GLIS3: variants seen among roughly 807,000 people sequenced by gnomAD.
GLIS3 encodes the protein zinc finger protein GLIS3.
Under a neutral mutation model 78.6 loss-of-function variants are expected in GLIS3, and 53 were observed. That is an observed-to-expected ratio of 0.67 (90% CI 0.54 to 0.85). GLIS3 has a LOEUF of 0.85. Ranked by LOEUF, GLIS3 falls within the 40% of genes least tolerant of loss-of-function variation. The probability of loss-of-function intolerance (pLI) is 0.00; values close to 1 mark genes in which losing one functional copy is unlikely to be tolerated. For synonymous variants in GLIS3, 684 were observed against 509.9 expected, an observed-to-expected ratio of 1.34 and a Z score of -4.60; for missense variants, 1,703 against 1,231.1, an observed-to-expected ratio of 1.38 and a Z score of -5.74.
the GLIS3 span, among the ~76,000 whole-genome samples, chr9:4,426,974 G>T: frequency 6.6e-6 from 1 of 152,326 alleles, no homozygotes; most frequent in East Asian, 1.9e-4. Context: ...AGTGGATGAG[G>T]ACAGAGAGTA....
chr9:3,881,328 G>A (rs921129721), intron 7 of GLIS3, among the ~76,000 whole-genome samples: 19 of 151,618 alleles, frequency 1.3e-4, no homozygotes, highest in Non-Finnish European at 2.8e-4. Flanking sequence ...TTATTTTGTT[G>A]TAGTTGCTGA....
rs901923509 is a variant in GLIS3, at chr9:4,118,594, G to A, written c.884C>T (p.Ser295Leu). 16 of 1,614,122 alleles carry A rather than the reference G, an allele frequency of 9.9e-6. No homozygotes were observed. The highest frequency in any genetic ancestry group is 2.2e-5 in the South Asian group (2 of 91,090). ...SPRHSSTRSH[S>L]ARSKKRALSL... ...CAGCGCTCTCTTCTTGGAGCGGGCC[G>A]AGTGGGACCTGGTGGATGAGTGCCG... is the stretch of plus-strand genomic sequence containing the variant. The change falls in exon 4 of 11, where the codon TCG (serine) becomes TTG (leucine). Residue 295 changes from serine to leucine, a missense_variant. Coordinates refer to ENST00000381971, the MANE Select transcript of GLIS3 (RefSeq NM_001042413.2). This position sits in a 1 kb window ranked among gnomAD's most constrained non-coding sequence, Gnocchi z 4.7.
At chr9:4,290,618 T>G (rs913144287) in intron 1 of GLIS3, among the ~76,000 whole-genome samples, 19 of 152,138 alleles carry the variant, frequency 1.2e-4, no homozygotes, top group Admixed American at 1.2e-3. Flanking sequence ...CAAGGACAGA[T>G]AGAGCTGAAT....
intron 8 of GLIS3, among the ~76,000 whole-genome samples, chr9:3,859,977 T>C (rs936764180): frequency 2.6e-5 from 4 of 151,968 alleles, no homozygotes; most frequent in Non-Finnish European, 5.9e-5. Context: ...TAAAACCTCA[T>C]AAAAAATCCT....
intron 4 of GLIS3, among the ~76,000 whole-genome samples, chr9:4,057,296 G>A (rs924314442): frequency 7.9e-5 from 12 of 151,886 alleles, no homozygotes; most frequent in African/African-American, 2.9e-4. Context: ...CTGAACAAGG[G>A]GCCCCACATT....
chr9:4,400,396 G>C, the GLIS3 span, among the ~76,000 whole-genome samples: 1 of 152,172 alleles, frequency 6.6e-6, no homozygotes, highest in Non-Finnish European at 1.5e-5. Flanking sequence ...CAAAATCAAA[G>C]CTGTTGGAAC....
chr9:4,100,990 G>A (rs1174626667), intron 4 of GLIS3, among the ~76,000 whole-genome samples: 1 of 152,160 alleles, frequency 6.6e-6, no homozygotes, highest in Admixed American at 6.5e-5. Flanking sequence ...GAAGGAACTG[G>A]GCTGGGGGCC....
intron 4 of GLIS3, among the ~76,000 whole-genome samples, chr9:4,107,131 C>T (rs992125884): frequency 6.6e-6 from 1 of 152,234 alleles, no homozygotes; most frequent in African/African-American, 2.4e-5. Context: ...GAGACCAGGT[C>T]GCCACTCATG....
chr9:4,188,853 T>C lies in GLIS3; in HGVS notation c.389-62912A>G, dbSNP rs200795929. Among the ~76,000 whole-genome samples, 8 of 152,306 alleles carry C rather than the reference T, an allele frequency of 5.3e-5. No individual in the cohort carries two copies. The East Asian group carries it at 1.3e-3, about 26-fold the overall frequency. On this transcript the variant is annotated intron_variant, in intron 2 of 10. Transcript: ENST00000381971. ...GGATCGGTGGTGATATCTCCTTTATTATTTTTTATTGCATCTATTTCACTC... is the reference window on the plus strand; with the variant it reads ...GGATCGGTGGTGATATCTCCTTTATCATTTTTTATTGCATCTATTTCACTC...
chr9:4,271,761 G>T (rs1266686397), intron 2 of GLIS3, among the ~76,000 whole-genome samples: 2 of 152,110 alleles, frequency 1.3e-5, no homozygotes, highest in Non-Finnish European at 2.9e-5. Flanking sequence ...AGAAAGCACT[G>T]ATCTCCTGCT....
intron 4 of GLIS3, among the ~76,000 whole-genome samples, chr9:3,964,952 T>G (rs970106993): frequency 2.0e-5 from 3 of 152,124 alleles, no homozygotes; most frequent in African/African-American, 7.2e-5. Context: ...TGAAGTCAGA[T>G]ACAAATAACT....
chr9:3,982,251 A>G (rs1421113455), intron 4 of GLIS3, among the ~76,000 whole-genome samples: 2 of 152,030 alleles, frequency 1.3e-5, no homozygotes, highest in Non-Finnish European at 2.9e-5. Flanking sequence ...AACTTTAAAA[A>G]GAGATCATCT....
At chr9:4,260,915 G>C (rs1219847622) in intron 2 of GLIS3, among the ~76,000 whole-genome samples, 1 of 152,300 alleles carries the variant, frequency 6.6e-6, no homozygotes, top group East Asian at 1.9e-4. Context: ...TGTAGCTACT[G>C]AGCAACAGAA....
intron 2 of GLIS3, among the ~76,000 whole-genome samples, chr9:4,237,038 C>T (rs1822826367): frequency 6.6e-6 from 1 of 151,890 alleles, no homozygotes; most frequent in African/African-American, 2.4e-5. Context: ...TCTTACTCTG[C>T]CATGTGGAAA....
At chr9:4,411,613 G>C in the GLIS3 span, among the ~76,000 whole-genome samples, 2 of 152,180 alleles carry the variant, frequency 1.3e-5, no homozygotes, top group Admixed American at 6.5e-5. Flanking sequence ...TCTTCCATTT[G>C]ACCTAATTTT....
Position 4,340,642 on chromosome 9 carries a change from T to C in GLIS3, n.264+6439A>G, listed in dbSNP as rs183013058. Reference sequence around the variant, plus strand: ...CCACGCTATTAACCACCATGGACACTTGAACCTGGAGACCGTTGTCGGAAC... The same window carrying C: ...CCACGCTATTAACCACCATGGACACCTGAACCTGGAGACCGTTGTCGGAAC... On this transcript the variant is annotated intron_variant and non_coding_transcript_variant, in intron 2 of 4. Transcript: ENST00000471664. Among the ~76,000 whole-genome samples the C allele has an allele frequency of 4.1e-4, 63 of 152,290 alleles. No homozygotes were observed. In the East Asian group the frequency reaches 0.012, roughly 28 times the overall value.
intron 2 of GLIS3, among the ~76,000 whole-genome samples, chr9:4,200,558 G>A (rs930665579): frequency 6.6e-6 from 1 of 151,992 alleles, no homozygotes; most frequent in African/African-American, 2.4e-5. Context: ...AAAGTCTGAA[G>A]GAAATAGATA....
chr9:4,156,437 T>A lies in GLIS3; in HGVS notation c.389-30496A>T, dbSNP rs551384263. ...CCTCCTTATCCACCCAATACACACT[T>A]AGCAGGTGCCAGCTGTATAACAATT... is the stretch of plus-strand genomic sequence containing the variant. On this transcript the variant is annotated intron_variant, in intron 2 of 10. Coordinates refer to ENST00000381971, the MANE Select transcript of GLIS3 (RefSeq NM_001042413.2). Among the ~76,000 whole-genome samples, 308 of 152,298 alleles carry A rather than the reference T, an allele frequency of 2.0e-3. 1 individual carries two copies. Among genetic ancestry groups the A allele is most frequent in the Non-Finnish European group, 3.6e-3 (242 of 68,014 alleles).
the GLIS3 span, among the ~76,000 whole-genome samples, chr9:4,369,395 G>C: frequency 6.6e-6 from 1 of 152,190 alleles, no homozygotes; most frequent in African/African-American, 2.4e-5. Flanking sequence ...ACCAATTCTA[G>C]TGCTGTCAGA....
Sources: gnomAD v4.1 joint callset for allele counts (sites outside exome capture counted in the v4.1 genomes callset) on GRCh38, gnomAD v4.1.1 for gene constraint, Gnocchi (gnomAD v3.1) non-coding constraint, MANE v1.5 for transcripts, NCBI Gene and HGNC (gene_info 2026-07-23, HGNC 2026-07-21) for gene names.